Variants in SLIT2 observed in about 807,000 individuals in gnomAD.
SLIT2 encodes the protein slit homolog 2 protein.
A neutral mutation model predicts 185.7 loss-of-function variants in SLIT2; 41 were observed. That is an observed-to-expected ratio of 0.22 (90% confidence interval 0.17 to 0.29). The LOEUF (loss-of-function observed/expected upper bound fraction) is 0.29, where lower values mean the gene tolerates loss of function less well. Ranked by LOEUF, SLIT2 falls within the 10% of genes least tolerant of loss-of-function variation. The pLI is 1.00. For synonymous variants in SLIT2, 693 were observed against 680.2 expected, an observed-to-expected ratio of 1.02 and a Z score of -0.29; for missense variants, 1,571 against 1,909.0, an observed-to-expected ratio of 0.82 and a Z score of 3.30.
intron 11 of SLIT2, among the ~76,000 whole-genome samples, chr4:20,517,482 C>G (rs768755370): frequency 3.9e-4 from 60 of 152,110 alleles, no homozygotes; most frequent in Non-Finnish European, 6.8e-4. Flanking sequence ...TTTATTCATG[C>G]CTTATCTTTT....
chr4:20,428,739 C>T (rs922714567), intron 4 of SLIT2, among the ~76,000 whole-genome samples: 3 of 152,086 alleles, frequency 2.0e-5, no homozygotes, highest in Non-Finnish European at 2.9e-5. Context: ...TATTCTGCAT[C>T]GTTTTTTCCA....
chr4:20,468,422 A>G (rs1447836055), intron 5 of SLIT2, among the ~76,000 whole-genome samples: 1 of 152,076 alleles, frequency 6.6e-6, no homozygotes, highest in East Asian at 1.9e-4. Flanking sequence ...TATTTCTTAC[A>G]CTTTCCCTCA....
chr4:20,257,210 T>C (rs1711943387), intron 2 of SLIT2, among the ~76,000 whole-genome samples: 1 of 152,150 alleles, frequency 6.6e-6, no homozygotes, highest in Non-Finnish European at 1.5e-5. Flanking sequence ...TTTATAATGA[T>C]ACATTAGTCA....
At chr4:20,594,592 T>C (rs1727827997) in intron 30 of SLIT2, among the ~76,000 whole-genome samples, 1 of 151,930 alleles carries the variant, frequency 6.6e-6, no homozygotes. Context: ...CCCCTATAGG[T>C]CCACAGTGCA....
rs1714516828 is a variant in SLIT2 at position 20,467,749 on chromosome 4, T to C, written c.396-3T>C. 3 of 1,569,700 alleles carry C rather than the reference T, an allele frequency of 1.9e-6. No homozygotes were observed. Among genetic ancestry groups the C allele is most frequent in the Non-Finnish European group, 1.7e-6 (2 of 1,146,760 alleles). On this transcript the variant is annotated splice_region_variant and splice_polypyrimidine_tract_variant and intron_variant, in intron 4 of 36. Transcript: ENST00000504154. ...TGATCCTTTTTGTTGTTGTTGTTTT[T>C]AGTGATCTCAGTGAAAACCAAATTC...
At position 20,353,818 on chromosome 4, in the gene SLIT2, C is replaced by T. The variant is rs188420395; in HGVS notation, c.395+84937C>T. Among the ~76,000 whole-genome samples the T allele has an allele frequency of 6.6e-5, 10 of 152,202 alleles. No homozygotes were observed. The East Asian group carries it at 1.7e-3, about 27-fold the overall frequency. ...ATATCCTTAAATGAGGAAACTAGAA[C>T]CAGATTTCTTTTTAGAACTTGCAGT... On this transcript the variant is annotated intron_variant, in intron 4 of 36. Transcript: ENST00000504154.
intron 15 of SLIT2, among the ~76,000 whole-genome samples, chr4:20,526,635 A>G (rs1721320318): frequency 1.3e-5 from 2 of 152,170 alleles, no homozygotes; most frequent in East Asian, 1.9e-4. Flanking sequence ...TTGTTTTCAT[A>G]TATTCTGATA....
At chr4:20,503,562 A>AT (rs370250912) in intron 9 of SLIT2, among the ~76,000 whole-genome samples, 9 of 130,362 alleles carry the variant, frequency 6.9e-5, no homozygotes, top group Admixed American at 3.2e-4. Context: ...GCCTAAGCCC[A>AT]TTTTTTTTCC....
chr4:20,566,477 C>G (rs528844274), intron 26 of SLIT2, among the ~76,000 whole-genome samples: 2 of 151,998 alleles, frequency 1.3e-5, no homozygotes, highest in Admixed American at 6.6e-5. Context: ...TATTTGTGAA[C>G]AAAGGAAAAT....
At chr4:20,275,548 T>C (rs1714086110) in intron 4 of SLIT2, among the ~76,000 whole-genome samples, 1 of 152,204 alleles carries the variant, frequency 6.6e-6, no homozygotes, top group Admixed American at 6.5e-5. Flanking sequence ...AAGTTCCTGA[T>C]ACTATTGCAC....
Position 20,472,638 on chromosome 4 carries a change from C to CGATATATATAGATATATCGATATATATA in SLIT2, c.467+4825_467+4826insGATATATCGATATATATAGATATATATA, listed in dbSNP as rs1560455795. Among the ~76,000 whole-genome samples the CGATATATATAGATATATCGATATATATA allele has an allele frequency of 7.3e-4, 25 of 34,066 alleles. 6 individuals carry two copies. Among genetic ancestry groups the CGATATATATAGATATATCGATATATATA allele is most frequent in the East Asian group, 2.3e-3 (3 of 1,306 alleles). 22.3% of individuals were successfully genotyped at this position (34,066 alleles called of 152,430 possible). ...TATATATCGATATATCTATATATAT[C>CGATATATATAGATATATCGATATATATA]GATATATATATTTAAAAGCCTTAAC... On this transcript the variant is annotated intron_variant, in intron 5 of 36. Transcript: ENST00000504154.
intron 4 of SLIT2, among the ~76,000 whole-genome samples, chr4:20,271,424 T>C (rs1295488543): frequency 6.8e-6 from 1 of 146,914 alleles, no homozygotes; most frequent in Non-Finnish European, 1.5e-5. Context: ...ACATAGTATA[T>C]ATTTATATGT....
At chr4:20,462,687 T>G (rs2148732409) in intron 4 of SLIT2, among the ~76,000 whole-genome samples, 1 of 152,298 alleles carries the variant, frequency 6.6e-6, no homozygotes, top group East Asian at 1.9e-4. Flanking sequence ...CAGATTAATC[T>G]TCCTAAAAAT....
Position 20,325,440 on chromosome 4 carries a change from T to TA in SLIT2, c.395+56574dup, listed in dbSNP as rs557494207. 4.0e-3 allele frequency among the ~76,000 whole-genome samples: 487 copies of TA among 122,520 alleles called. 1 individual carries two copies. Among genetic ancestry groups the TA allele is most frequent in the African/African-American group, 9.3e-3 (307 of 33,178 alleles). 80.4% of individuals were successfully genotyped at this position (122,520 alleles called of 152,430 possible). On this transcript the variant is annotated intron_variant, in intron 4 of 36. Coordinates refer to ENST00000504154, the MANE Select transcript of SLIT2 (RefSeq NM_004787.4). ...TGGGGGTGGGGGGTGGGAATAATCTTAAAAAAAAAAAAAAAGAATAGAAAG... is the reference window on the plus strand; with the variant it reads ...TGGGGGTGGGGGGTGGGAATAATCTTAAAAAAAAAAAAAAAAGAATAGAAAG...
chr4:20,296,668 G>C (rs1284518072), intron 4 of SLIT2, among the ~76,000 whole-genome samples: 3 of 152,142 alleles, frequency 2.0e-5, no homozygotes, highest in Non-Finnish European at 4.4e-5. Context: ...TTGTGCCTTA[G>C]TTGACTAAAT....
At chr4:20,320,282 C>T (rs1225034752) in intron 4 of SLIT2, among the ~76,000 whole-genome samples, 2 of 152,152 alleles carry the variant, frequency 1.3e-5, no homozygotes, top group Non-Finnish European at 2.9e-5. Flanking sequence ...TAACAGCGCA[C>T]GTCAGTTCCC....
chr4:20,390,087 C>T (rs1045853672), intron 4 of SLIT2, among the ~76,000 whole-genome samples: 11 of 151,900 alleles, frequency 7.2e-5, no homozygotes, highest in African/African-American at 1.7e-4. Flanking sequence ...GATCATAGTC[C>T]GTATCAAGAA....
intron 4 of SLIT2, among the ~76,000 whole-genome samples, chr4:20,288,533 A>G (rs1208276022): frequency 6.6e-6 from 1 of 152,188 alleles, no homozygotes; most frequent in Non-Finnish European, 1.5e-5. Context: ...TTTCTAGTAA[A>G]TCAGCTTATT....
At chr4:20,521,959 A>G (rs1720880499) in intron 12 of SLIT2, among the ~76,000 whole-genome samples, 1 of 152,194 alleles carries the variant, frequency 6.6e-6, no homozygotes. Flanking sequence ...TAAAAGTTCT[A>G]AGTATCAAAG....
Sources: allele counts gnomAD v4.1 joint callset (sites outside exome capture counted in the v4.1 genomes callset), GRCh38; gene constraint gnomAD v4.1.1; transcripts MANE v1.5; gene names NCBI Gene and HGNC (gene_info 2026-07-23, HGNC 2026-07-21).